Variants in LRP1B observed in about 807,000 individuals in gnomAD.
LRP1B encodes LDL receptor related protein 1B.
LRP1B carries 217 observed loss-of-function variants against 556.6 expected under a neutral mutation model. The observed-to-expected ratio is 0.39, with a 90% confidence interval of 0.35 to 0.44. The LOEUF (loss-of-function observed/expected upper bound fraction) is 0.44. Ranked by LOEUF, LRP1B falls within the 20% of genes least tolerant of loss-of-function variation. The probability of loss-of-function intolerance (pLI) is 1.00; values close to 1 mark genes in which losing one functional copy is unlikely to be tolerated. For synonymous variants in LRP1B, 2,047 were observed against 1,865.8 expected, an observed-to-expected ratio of 1.10 and a Z score of -2.50; for missense variants, 5,053 against 5,620.8, an observed-to-expected ratio of 0.90 and a Z score of 3.23.
chr2:140,739,552 AC>A (rs1177106072), intron 35 of LRP1B, among the ~76,000 whole-genome samples: 1 of 152,136 alleles, frequency 6.6e-6, no homozygotes, highest in Non-Finnish European at 1.5e-5. Context: ...ATGAGATTAA[AC>A]TTAAACAAAC....
At chr2:140,468,669 A>G (rs1687644705) in intron 60 of LRP1B, among the ~76,000 whole-genome samples, 1 of 152,258 alleles carries the variant, frequency 6.6e-6, no homozygotes, top group Admixed American at 6.5e-5. Flanking sequence ...TCGCCACACC[A>G]GTGTGTTCAG....
chr2:140,305,156 T>A lies in LRP1B; in HGVS notation c.12806-7187A>T, dbSNP rs183056553. On this transcript the variant is annotated intron_variant, in intron 83 of 90. Transcript: ENST00000389484. ...CAATGTGGGCTCTTTTTTGGTTCCA[T>A]ATGAACTTTAAAGTAGTTTTCTCCA... Among the ~76,000 whole-genome samples the A allele has an allele frequency of 7.2e-3, 1,092 of 152,300 alleles. 11 individuals carry two copies. The highest frequency in any genetic ancestry group is 0.025 in the African/African-American group (1,033 of 41,568).
chr2:142,074,171 C>T (rs1249564226), intron 1 of LRP1B, among the ~76,000 whole-genome samples: 1 of 151,962 alleles, frequency 6.6e-6, no homozygotes, highest in African/African-American at 2.4e-5. Context: ...CCTTGAAATG[C>T]AATTTGTTGC....
At chr2:141,791,812 G>T (rs1178793165) in intron 2 of LRP1B, among the ~76,000 whole-genome samples, 1 of 151,918 alleles carries the variant, frequency 6.6e-6, no homozygotes, top group African/African-American at 2.4e-5. Flanking sequence ...AATTGTAATG[G>T]TTAATTAATT....
intron 66 of LRP1B, among the ~76,000 whole-genome samples, chr2:140,409,837 C>T (rs956458018): frequency 6.6e-6 from 1 of 152,000 alleles, no homozygotes; most frequent in Non-Finnish European, 1.5e-5. Flanking sequence ...ATAAACCATT[C>T]TGAAACTGTA....
At chr2:141,131,065 G>A (rs1701337574) in intron 7 of LRP1B, among the ~76,000 whole-genome samples, 1 of 151,992 alleles carries the variant, frequency 6.6e-6, no homozygotes, top group Non-Finnish European at 1.5e-5. Context: ...GTTCATAGGT[G>A]CAGCAAACCA....
chr2:141,841,804 C>G (rs1485865093), intron 1 of LRP1B, among the ~76,000 whole-genome samples: 1 of 152,058 alleles, frequency 6.6e-6, no homozygotes, highest in Admixed American at 6.6e-5. Flanking sequence ...AGAGGGTTAC[C>G]TGCTGAAAAT....
chr2:141,283,801 G>T (rs1193734969), intron 3 of LRP1B, among the ~76,000 whole-genome samples: 1 of 149,754 alleles, frequency 6.7e-6, no homozygotes, highest in African/African-American at 2.5e-5. Flanking sequence ...TCACCATCTT[G>T]GTCAAGGTGG....
At chr2:141,294,752 A>C (rs1268213381) in intron 3 of LRP1B, among the ~76,000 whole-genome samples, 1 of 151,156 alleles carries the variant, frequency 6.6e-6, no homozygotes, top group African/African-American at 2.4e-5. Flanking sequence ...AAAAAAAAAA[A>C]ATAGAAACCT....
intron 2 of LRP1B, among the ~76,000 whole-genome samples, chr2:141,657,382 A>T (rs2105389132): frequency 6.6e-6 from 1 of 152,182 alleles, no homozygotes; most frequent in Admixed American, 6.5e-5. Context: ...AATAAATTTT[A>T]TTCTTGGCTA....
chr2:141,230,413 A>T (rs1004368812), intron 5 of LRP1B, among the ~76,000 whole-genome samples: 2 of 152,076 alleles, frequency 1.3e-5, no homozygotes, highest in Middle Eastern at 3.2e-3. Flanking sequence ...CCCTTTTTCC[A>T]TCTATGCCCT....
At chr2:142,099,588 C>T (rs138852242) in intron 1 of LRP1B, among the ~76,000 whole-genome samples, 30 of 151,978 alleles carry the variant, frequency 2.0e-4, no homozygotes, top group African/African-American at 3.1e-4. Context: ...TTTAAGTATT[C>T]GCAATCCCAA....
At chr2:140,853,897 C>T (rs1001551926) in intron 27 of LRP1B, among the ~76,000 whole-genome samples, 8 of 151,606 alleles carry the variant, frequency 5.3e-5, no homozygotes, top group East Asian at 1.9e-4. Context: ...CCTAAGGAAT[C>T]GCAAGTTAGA....
intron 7 of LRP1B, among the ~76,000 whole-genome samples, chr2:141,144,894 G>A (rs1273432803): frequency 1.3e-5 from 2 of 152,150 alleles, no homozygotes; most frequent in African/African-American, 2.4e-5. Flanking sequence ...ACATGCACTC[G>A]ATTAACTAAC....
chr2:140,643,120 C>T (rs947682797), intron 41 of LRP1B, among the ~76,000 whole-genome samples: 1 of 152,030 alleles, frequency 6.6e-6, no homozygotes, highest in Non-Finnish European at 1.5e-5. Context: ...TTCAGCTATA[C>T]TTTACAATTC....
intron 71 of LRP1B, 141 bp from the exon 72 acceptor site, chr2:140,364,924 C>A: frequency 6.6e-6 from 4 of 607,338 alleles, no homozygotes; most frequent in South Asian, 3.3e-5. Flanking sequence ...AAGCATAATA[C>A]CAGGAACAAG....
chr2:140,534,013 G>A lies in LRP1B; in HGVS notation c.7762+8C>T, dbSNP rs371132009. Reference sequence around the variant, plus strand: ...CAATATTCTGAGATTGATGGAACAAGTATTTACCTTTACAATCTAATTCAT... The same window carrying A: ...CAATATTCTGAGATTGATGGAACAAATATTTACCTTTACAATCTAATTCAT... On this transcript the variant is annotated splice_region_variant and intron_variant, in intron 47 of 90. Transcript: ENST00000389484. 5.0e-6 allele frequency: 8 copies of A among 1,612,888 alleles called. No homozygotes were observed. The highest frequency in any genetic ancestry group is 4.4e-5 in the South Asian group (4 of 90,984).
At chr2:140,517,821 C>T (rs1019887721) in intron 49 of LRP1B, among the ~76,000 whole-genome samples, 4 of 150,778 alleles carry the variant, frequency 2.7e-5, no homozygotes, top group African/African-American at 9.8e-5. Flanking sequence ...AGTGATTCTC[C>T]TGCCTCAGAC....
rs1281064205 is a variant in LRP1B, at chr2:140,982,269, T to C, written c.2778A>G (p.Thr926=). ...DESNQTCTAR[T]CQVDQFSCGN... is the part of the protein sequence containing the mutation. Reference sequence around the variant, plus strand: ...CGCAAGAAAACTGGTCTACCTGGCATGTTCTGGCTATGATGATCAATTAAT... The same window carrying C: ...CGCAAGAAAACTGGTCTACCTGGCACGTTCTGGCTATGATGATCAATTAAT... Residue 926 remains threonine, a synonymous_variant, in exon 18 of 91, where the codon ACA becomes ACG. Coordinates refer to ENST00000389484, the MANE Select transcript of LRP1B (RefSeq NM_018557.3). The C allele has an allele frequency of 6.2e-7, 1 of 1,610,682 alleles. No individual in the cohort carries two copies. The highest frequency in any genetic ancestry group is 8.5e-7 in the Non-Finnish European group (1 of 1,177,214).
Sources: gnomAD v4.1 joint callset for allele counts (sites outside exome capture counted in the v4.1 genomes callset) on GRCh38, gnomAD v4.1.1 for gene constraint, MANE v1.5 for transcripts, NCBI Gene and HGNC (gene_info 2026-07-23, HGNC 2026-07-21) for gene names.